TSC2: variants seen among roughly 807,000 people sequenced by gnomAD.
TSC2 encodes the protein TSC complex subunit 2, also known as tuberin.
A neutral mutation model predicts 202.2 loss-of-function variants in TSC2; 29 were observed. That is an observed-to-expected ratio of 0.14 (90% CI 0.11 to 0.20). The LOEUF (loss-of-function observed/expected upper bound fraction) is 0.20, where lower values mean the gene tolerates loss of function less well. TSC2 is among the 10% of genes least tolerant of loss of function. The pLI, the probability that TSC2 is intolerant of heterozygous loss-of-function variation, is 1.00. For missense variants in TSC2, 2,429 were observed against 2,420.0 expected (o/e 1.00, Z -0.08); for synonymous variants, 1,349 against 1,044.0 (o/e 1.29, Z -5.63).
intron 37 of TSC2, 60 bp from the exon 38 acceptor site, chr16:2,086,672 C>CT (rs754507235): frequency 4.9e-5 from 78 of 1,600,282 alleles, no homozygotes; most frequent in Non-Finnish European, 6.0e-5. Context: ...TGCCCCAGTG[C>CT]AAGGCACAGA....
chr16:2,060,308 C>G (rs1393652127), intron 10 of TSC2, among the ~76,000 whole-genome samples: 3 of 152,194 alleles, frequency 2.0e-5, no homozygotes, highest in Admixed American at 2.0e-4. Context: ...TCCTGCTACC[C>G]CCCTCCCCGT....
chr16:2,050,267 T>G, intron 2 of TSC2, 133 bp from the exon 3 acceptor site: 1 of 927,058 alleles, frequency 1.1e-6, no homozygotes, highest in Non-Finnish European at 1.7e-6. Flanking sequence ...AAGTGAATCT[T>G]GATTCCAGAA....
chr16:2,059,067 G>A (rs966175392), intron 10 of TSC2, among the ~76,000 whole-genome samples, 194 bp downstream of exon 10: 1 of 147,318 alleles, frequency 6.8e-6, no homozygotes, highest in Non-Finnish European at 1.5e-5. Context: ...TTTTTGAGAA[G>A]GAGTTCTGCT....
At chr16:2,064,798 A>G in intron 15 of TSC2, 1 of 353,212 alleles carries the variant, frequency 2.8e-6, no homozygotes. Context: ...CTCGGGTATA[A>G]AGGGCATCTT....
Position 2,080,295 on chromosome 16 carries a change from T to C in TSC2, c.3528T>C (p.Pro1176=), listed in dbSNP as rs1157894225. The change falls in exon 30 of 42, where the codon CCT becomes CCC. Residue 1176 remains proline (P), a synonymous_variant. Transcript: ENST00000219476. ...PEKASAGTRV[P]VQEKTNLAAY... ...AGGCCTCAGCTGGCACCCGGGTTCC[T>C]GTGCAGGAGAAGACGAACCTGGCGG... The C allele has an allele frequency of 1.2e-6, 2 of 1,612,848 alleles. No individual in the cohort carries two copies. Among genetic ancestry groups the C allele is most frequent in the Non-Finnish European group, 1.7e-6 (2 of 1,180,024 alleles).
At chr16:2,065,738 C>T in intron 16 of TSC2, 103 bp downstream of exon 16, 2 of 1,056,822 alleles carry the variant, frequency 1.9e-6, no homozygotes, top group Non-Finnish European at 2.9e-6. Context: ...GGGACCCACA[C>T]CCTCCCTGGA....
At chr16:2,086,639 G>A in intron 37 of TSC2, 93 bp from the exon 38 acceptor site, 1 of 1,575,658 alleles carries the variant, frequency 6.3e-7, no homozygotes, top group African/African-American at 1.3e-5. Context: ...CAGGCCCCCA[G>A]AGCCCCTGGA....
intron 26 of TSC2, among the ~76,000 whole-genome samples, chr16:2,077,968 G>A (rs926614490): frequency 2.0e-5 from 3 of 152,354 alleles, no homozygotes; most frequent in South Asian, 2.1e-4. Context: ...AGAGCCAGGC[G>A]TGCCGGGCAG....
chr16:2,082,108 T>C, intron 31 of TSC2: 2 of 588,288 alleles, frequency 3.4e-6, no homozygotes, highest in Non-Finnish European at 6.1e-6. Context: ...CCTCCCTGCC[T>C]GGGCCCAGGT....
At position 2,064,503 on chromosome 16, in the gene TSC2, GTCC is replaced by G. The variant is rs397515135; in HGVS notation, c.1599+82_1599+84del. 3,320 of 1,604,788 alleles carry G rather than the reference GTCC, an allele frequency of 2.1e-3. 52 individuals are homozygous for G. The African/African-American group carries it at 0.038, about 19-fold the overall frequency. On this transcript the variant is annotated intron_variant, in intron 15 of 41. Transcript: ENST00000219476. Reference sequence around the variant, plus strand: ...GGCAGCAATGGCCTCTGGGCCCTCTGTCCTCCTCTTCGAGTGACCGGATGGCTG... The same window carrying G: ...GGCAGCAATGGCCTCTGGGCCCTCTGTCCTCTTCGAGTGACCGGATGGCTG...
intron 10 of TSC2, 121 bp downstream of exon 10, chr16:2,058,994 G>A: frequency 6.7e-7 from 1 of 1,498,682 alleles, no homozygotes; most frequent in Non-Finnish European, 9.0e-7. Flanking sequence ...GGCCTTTCCA[G>A]GCAGTTGCTT....
chr16:2,086,645 C>G, intron 37 of TSC2, 87 bp from the exon 38 acceptor site: 1 of 1,586,378 alleles, frequency 6.3e-7, no homozygotes, highest in Non-Finnish European at 8.5e-7. Flanking sequence ...CCCAGAGCCC[C>G]TGGAGTAATC....
chr16:2,071,665 G>T (rs765248569), intron 18 of TSC2, 49 bp downstream of exon 18: 1 of 1,609,600 alleles, frequency 6.2e-7, no homozygotes, highest in South Asian at 1.1e-5. Context: ...CGTCAGAGGC[G>T]CTGGGGCTGT....
chr16:2,089,453 G>A lies in TSC2; in HGVS notation c.*843G>A. 5.6e-6 allele frequency: 3 copies of A among 533,688 alleles called. No homozygotes were observed. The highest frequency in any genetic ancestry group is 6.4e-5 in the East Asian group (2 of 31,452). The allele number at this position is 533,688 out of a possible 1,614,324, so 33.1% of individuals were successfully genotyped here. A position where few individuals can be genotyped will look rare whatever the true frequency, so the allele number is the denominator to read the frequency against. On this transcript the variant is annotated 3_prime_UTR_variant, in exon 42 of 42. Coordinates refer to ENST00000219476, the MANE Select transcript of TSC2 (RefSeq NM_000548.5). ...GCCGGGCACAGCCCGCTGTACCTGA[G>A]GACTCGGGGAAATAAATTAGCATCT...
At position 2,084,583 on chromosome 16, in the gene TSC2, G is replaced by A. The variant is rs758233186; in HGVS notation, c.4361G>A (p.Ser1454Asn). The change falls in exon 34 of 42, where the codon AGT (serine) becomes AAT (asparagine). Residue 1454 changes from serine to asparagine, a missense_variant. By Grantham distance (46) the Ser-to-Asn change is conservative. Transcript: ENST00000219476. ...CCTTCCAGCTCCCCCCGCTCGCCCA[G>A]TGGCCTCCGGCCCCGAGGTTACACC... ...PLPSSSPRSP[S>N]GLRPRGYTIS... The A allele has an allele frequency of 6.2e-7, 1 of 1,606,196 alleles. No individual in the cohort carries two copies. Among genetic ancestry groups the A allele is most frequent in the Non-Finnish European group, 8.5e-7 (1 of 1,179,714 alleles).
At position 2,057,182 on chromosome 16, in the gene TSC2, AGT is replaced by A. The variant is rs2151088282; in HGVS notation, c.848+8_848+9del. On this transcript the variant is annotated splice_donor_5th_base_variant and intron_variant, in intron 9 of 41. Coordinates refer to ENST00000219476, the MANE Select transcript of TSC2 (RefSeq NM_000548.5). ...TGTGCCACCTCATGGAGGACAGGTGAGTGTGGTGGGTGGGGCGCAGGGCAGTG... is the reference window on the plus strand; with the variant it reads ...TGTGCCACCTCATGGAGGACAGGTGAGTGGTGGGTGGGGCGCAGGGCAGTG... 2 of 1,551,614 alleles carry A rather than the reference AGT, an allele frequency of 1.3e-6. No homozygotes were observed. Among genetic ancestry groups the A allele is most frequent in the Non-Finnish European group, 1.7e-6 (2 of 1,146,976 alleles).
chr16:2,085,343 T>G (rs1325943938), intron 36 of TSC2, 21 bp downstream of exon 36: 1 of 1,611,972 alleles, frequency 6.2e-7, no homozygotes, highest in South Asian at 1.1e-5. Context: ...GGGGCCGGCC[T>G]AGGTGCCTGG....
At chr16:2,049,404 G>T (rs1262569181) in intron 2 of TSC2, among the ~76,000 whole-genome samples, 3 of 151,904 alleles carry the variant, frequency 2.0e-5, no homozygotes, top group Non-Finnish European at 4.4e-5. Context: ...TATCTTTTAT[G>T]TGTGTTTGTG....
At chr16:2,048,481 G>A in intron 1 of TSC2, 106 bp from the exon 2 acceptor site, 1 of 1,414,466 alleles carries the variant, frequency 7.1e-7, no homozygotes, top group South Asian at 1.2e-5. Flanking sequence ...TGGGAGGAAA[G>A]GTTATGCCCA....
Sources: gnomAD v4.1 joint callset for allele counts (sites outside exome capture counted in the v4.1 genomes callset) on GRCh38, gnomAD v4.1.1 for gene constraint, MANE v1.5 for transcripts, NCBI Gene and HGNC (gene_info 2026-07-23, HGNC 2026-07-21) for gene names.